Variants in ZNF385D observed in about 807,000 individuals in gnomAD.
ZNF385D encodes zinc finger protein 659.
Under a neutral mutation model 35.8 loss-of-function variants are expected in ZNF385D, and 15 were observed. The ratio of observed to expected loss-of-function variants is 0.42; its 90% confidence interval spans 0.28 to 0.64. The LOEUF is 0.64. ZNF385D is among the 30% of genes least tolerant of loss of function. The pLI is 0.23. For missense variants in ZNF385D, 474 were observed against 494.6 expected, an observed-to-expected ratio of 0.96 and a Z score of 0.39; for synonymous variants, 212 against 186.8, an observed-to-expected ratio of 1.13 and a Z score of -1.10.
intron 2 of ZNF385D, among the ~76,000 whole-genome samples, chr3:22,215,365 T>C (rs986585931): frequency 6.6e-6 from 1 of 151,972 alleles, no homozygotes; most frequent in African/African-American, 2.4e-5. Flanking sequence ...ATAGGAGAAA[T>C]ATCGCTGAAT....
intron 3 of ZNF385D, among the ~76,000 whole-genome samples, chr3:21,967,198 G>A (rs1211981353): frequency 6.6e-6 from 1 of 152,044 alleles, no homozygotes; most frequent in Admixed American, 6.6e-5. Flanking sequence ...CTTTGGCACT[G>A]TTTAGTCTCT....
chr3:22,311,217 A>C (rs895938800), intron 2 of ZNF385D, among the ~76,000 whole-genome samples: 1 of 152,074 alleles, frequency 6.6e-6, no homozygotes, highest in Non-Finnish European at 1.5e-5. Context: ...ATAAATTATT[A>C]CATGAATGCT....
At chr3:22,031,508 G>T (rs778363222) in intron 3 of ZNF385D, among the ~76,000 whole-genome samples, 15 of 152,208 alleles carry the variant, frequency 9.9e-5, no homozygotes, top group Non-Finnish European at 2.1e-4. Context: ...GCTGCACCTT[G>T]CCCCTTTTAG....
rs541218270 is a variant in ZNF385D, at chr3:21,694,524, C to G, written c.23-29496G>C. Among the ~76,000 whole-genome samples the G allele has an allele frequency of 6.6e-5, 10 of 152,290 alleles. No individual in the cohort carries two copies. The South Asian group carries it at 1.9e-3, about 28-fold the overall frequency. ...GAACAGTAACTGGTCACAGCCAGATCTGGGTACTCAGGGAAGATTCTTGGA... is the reference window on the plus strand; with the variant it reads ...GAACAGTAACTGGTCACAGCCAGATGTGGGTACTCAGGGAAGATTCTTGGA... On this transcript the variant is annotated intron_variant, in intron 1 of 7. Transcript: ENST00000281523.
At chr3:22,033,409 A>AATAATAATT (rs1553592886) in intron 3 of ZNF385D, among the ~76,000 whole-genome samples, 3 of 125,044 alleles carry the variant, frequency 2.4e-5, no homozygotes, top group Non-Finnish European at 5.3e-5. Flanking sequence ...CCAAAATAAT[A>AATAATAATT]ATAATAATAA....
intron 1 of ZNF385D, among the ~76,000 whole-genome samples, chr3:21,716,471 C>T (rs757040278): frequency 3.6e-4 from 55 of 152,234 alleles, no homozygotes; most frequent in Non-Finnish European, 7.4e-4. Context: ...CCATGCTGGC[C>T]TCTGTATTAT....
At chr3:22,343,337 G>A (rs1244469541) in intron 2 of ZNF385D, among the ~76,000 whole-genome samples, 1 of 152,206 alleles carries the variant, frequency 6.6e-6, no homozygotes, top group East Asian at 1.9e-4. Flanking sequence ...TACTGTGGAA[G>A]CCAAAGGTGT....
At chr3:22,173,748 G>A (rs899999458) in intron 2 of ZNF385D, among the ~76,000 whole-genome samples, 2 of 152,032 alleles carry the variant, frequency 1.3e-5, no homozygotes. Context: ...CTTCTTACTT[G>A]CCGTATACAA....
At chr3:22,028,608 G>C (rs1471407625) in intron 3 of ZNF385D, among the ~76,000 whole-genome samples, 1 of 152,174 alleles carries the variant, frequency 6.6e-6, no homozygotes, top group Non-Finnish European at 1.5e-5. Flanking sequence ...TCTGGATATG[G>C]GTTTGCCTAT....
At position 21,413,289 on chromosome 3, in the gene ZNF385D, C is replaced by T. The variant is rs1280294115; in HGVS notation, c.*7925G>A. 1 of 151,986 alleles carries T rather than the reference C, an allele frequency of 6.6e-6. No homozygotes were observed. The highest frequency in any genetic ancestry group is 1.9e-4 in the East Asian group (1 of 5,172). 9.4% of individuals were successfully genotyped at this position (151,986 alleles called of 1,614,324 possible). A position where few individuals can be genotyped will look rare whatever the true frequency, so the allele number is the denominator to read the frequency against. Reference sequence around the variant, plus strand: ...GAACACATGGGCCATTAAGGTGGCACAAATTAGCATTCTGAGCGTTTTGGC... The same window carrying T: ...GAACACATGGGCCATTAAGGTGGCATAAATTAGCATTCTGAGCGTTTTGGC... On this transcript the variant is annotated 3_prime_UTR_variant, in exon 8 of 8. Transcript: ENST00000281523.
At chr3:22,265,299 A>C (rs1700841692) in intron 2 of ZNF385D, among the ~76,000 whole-genome samples, 1 of 151,984 alleles carries the variant, frequency 6.6e-6, no homozygotes, top group Admixed American at 6.6e-5. Flanking sequence ...AACATTTAAG[A>C]TTTTTTTAAA....
intron 3 of ZNF385D, among the ~76,000 whole-genome samples, chr3:21,920,838 C>A (rs9859084): frequency 0.018 from 2,804 of 152,174 alleles, 91 homozygotes; most frequent in African/African-American, 0.064. Flanking sequence ...ATCTGTAACA[C>A]TGCTTGATGA....
intron 3 of ZNF385D, among the ~76,000 whole-genome samples, chr3:21,973,009 C>A (rs1703361565): frequency 6.6e-6 from 1 of 151,894 alleles, no homozygotes; most frequent in African/African-American, 2.4e-5. Context: ...GAACTAATAT[C>A]AATTTTAATC....
At chr3:22,100,720 T>A (rs1701891324) in intron 3 of ZNF385D, among the ~76,000 whole-genome samples, 1 of 149,642 alleles carries the variant, frequency 6.7e-6, no homozygotes, top group Non-Finnish European at 1.5e-5. Flanking sequence ...CAATGGGAGA[T>A]ATACCTAATG....
chr3:22,019,200 C>T (rs779948451), intron 3 of ZNF385D, among the ~76,000 whole-genome samples: 3 of 151,386 alleles, frequency 2.0e-5, no homozygotes, highest in South Asian at 4.2e-4. Flanking sequence ...AGCATAGGGC[C>T]AATATATGAC....
chr3:22,038,574 C>T (rs145109246), intron 3 of ZNF385D, among the ~76,000 whole-genome samples: 8 of 152,250 alleles, frequency 5.3e-5, no homozygotes, highest in Non-Finnish European at 8.8e-5. Context: ...ATTTATTCTA[C>T]TAAAAGCACA....
intron 2 of ZNF385D, among the ~76,000 whole-genome samples, chr3:22,170,760 A>G (rs1178330151): frequency 6.6e-6 from 1 of 152,186 alleles, no homozygotes; most frequent in Non-Finnish European, 1.5e-5. Flanking sequence ...TTATAATCAG[A>G]ACATTTCAAA....
chr3:21,918,421 AG>A (rs1700298150), intron 3 of ZNF385D, among the ~76,000 whole-genome samples: 1 of 150,740 alleles, frequency 6.6e-6, no homozygotes, highest in Non-Finnish European at 1.5e-5. Flanking sequence ...AGCAAGTAAA[AG>A]TAGGGACTTT....
intron 3 of ZNF385D, among the ~76,000 whole-genome samples, chr3:21,832,984 T>C (rs1695097499): frequency 6.6e-6 from 1 of 152,208 alleles, no homozygotes; most frequent in Admixed American, 6.5e-5. Flanking sequence ...ATTTCTCAAC[T>C]ATGCTCTTCA....
Sources: allele counts gnomAD v4.1 joint callset (sites outside exome capture counted in the v4.1 genomes callset), GRCh38; gene constraint gnomAD v4.1.1; transcripts MANE v1.5; gene names NCBI Gene and HGNC (gene_info 2026-07-23, HGNC 2026-07-21).